MALRD1: variants seen among roughly 807,000 people sequenced by gnomAD.
MALRD1 encodes MAM and LDL-receptor class A domain-containing protein 1.
A neutral mutation model predicts 242.1 loss-of-function variants in MALRD1; 247 were observed. That is an observed-to-expected ratio of 1.02 (90% confidence interval 0.92 to 1.13). The LOEUF (loss-of-function observed/expected upper bound fraction) is 1.13. Ranked by LOEUF, MALRD1 falls within the 50% of genes most tolerant of loss-of-function variation. The pLI, the probability that MALRD1 is intolerant of heterozygous loss-of-function variation, is 0.00. For synonymous variants in MALRD1, 995 were observed against 866.6 expected (o/e 1.15, Z -2.60); for missense variants, 2,989 against 2,533.1 (o/e 1.18, Z -3.86).
At chr10:19,732,533 C>T (rs1589456196) in intron 39 of MALRD1, among the ~76,000 whole-genome samples, 1 of 152,130 alleles carries the variant, frequency 6.6e-6, no homozygotes, top group African/African-American at 2.4e-5. Context: ...AAAGTGCTGG[C>T]ATTACAGGCG....
At chr10:19,156,998 A>G (rs1834176519) in intron 12 of MALRD1, among the ~76,000 whole-genome samples, 1 of 152,104 alleles carries the variant, frequency 6.6e-6, no homozygotes, top group South Asian at 2.1e-4. Flanking sequence ...TTTTTGAAAA[A>G]CTGAGACTGT....
intron 27 of MALRD1, 59 bp downstream of exon 27, chr10:19,387,832 G>T: frequency 3.3e-6 from 5 of 1,505,248 alleles, no homozygotes; most frequent in Non-Finnish European, 4.4e-6. Flanking sequence ...ACATCAAAAT[G>T]TCTTTTCTGA....
chr10:19,231,245 T>G (rs1277693271), intron 18 of MALRD1, among the ~76,000 whole-genome samples: 1 of 152,202 alleles, frequency 6.6e-6, no homozygotes, highest in East Asian at 1.9e-4. Flanking sequence ...TGAGATTAGC[T>G]GAGGTATTTG....
intron 10 of MALRD1, among the ~76,000 whole-genome samples, chr10:19,145,450 C>A (rs753793189): frequency 6.6e-6 from 1 of 151,984 alleles, no homozygotes; most frequent in Non-Finnish European, 1.5e-5. Flanking sequence ...TCGAGACCAG[C>A]CTGGCCAACG....
rs1428066646 is a variant in MALRD1, at chr10:19,389,539, C to A, written c.4775C>A (p.Ala1592Glu). 2.6e-6 allele frequency: 4 copies of A among 1,550,702 alleles called. No individual in the cohort carries two copies. Among genetic ancestry groups the A allele is most frequent in the African/African-American group, 1.4e-5 (1 of 73,168 alleles). Residue 1592 changes from alanine (A) to glutamate (E), a missense_variant, in exon 28 of 40, where the codon GCA becomes GAA. Ala to Glu is a moderately radical substitution (Grantham distance 107). Transcript: ENST00000454679. ...FRSTMWRESS[A>E]ACTMSFWYFV... is the part of the protein sequence containing the mutation. The stretch of plus-strand genomic sequence containing the variant: ...AGTACCATGTGGCGAGAATCCAGTG[C>A]AGCCTGCACCATGAGCTTCTGGTAT...
intron 19 of MALRD1, among the ~76,000 whole-genome samples, chr10:19,278,205 A>G (rs1287041025): frequency 6.6e-6 from 1 of 151,998 alleles, no homozygotes; most frequent in Non-Finnish European, 1.5e-5. Flanking sequence ...TAAAAAAAAC[A>G]GTTTAATGTA....
intron 2 of MALRD1, among the ~76,000 whole-genome samples, chr10:19,072,162 T>C (rs1453039484): frequency 6.6e-6 from 1 of 152,192 alleles, no homozygotes; most frequent in East Asian, 1.9e-4. Flanking sequence ...AGATGTTGCT[T>C]GGGAGCATCT....
Position 19,717,974 on chromosome 10 carries a change from G to A in MALRD1, c.6315-12732G>A, listed in dbSNP as rs184725798. 1.8e-3 allele frequency among the ~76,000 whole-genome samples: 275 copies of A among 151,156 alleles called. 3 individuals carry two copies. The highest frequency in any genetic ancestry group is 6.5e-3 in the African/African-American group (266 of 41,012). Reference sequence around the variant, plus strand: ...GGAGGCTGCAGTGAGCCAATATTGCGCCACTGCACTCCAGAGAGATTCTAC... The same window carrying A: ...GGAGGCTGCAGTGAGCCAATATTGCACCACTGCACTCCAGAGAGATTCTAC... On this transcript the variant is annotated intron_variant, in intron 38 of 39. Coordinates refer to ENST00000454679, the MANE Select transcript of MALRD1 (RefSeq NM_001142308.3).
rs1276484708 is a variant in MALRD1 at position 19,331,431 on chromosome 10, C to T, written c.3750C>T (p.Ser1250=). Residue 1250 remains serine (S), a synonymous_variant, in exon 24 of 40, where the codon TCC becomes TCT. Transcript: ENST00000454679. ...YIGDVAVDDI[S]FQDCSPLLSP... ...GAGATGTAGCAGTGGATGATATTTC[C>T]TTCCAAGATTGCTCCCCTTTGCTTA... The T allele has an allele frequency of 6.4e-7, 1 of 1,550,388 alleles. No homozygotes were observed. The highest frequency in any genetic ancestry group is 8.7e-7 in the Non-Finnish European group (1 of 1,146,902).
chr10:19,695,970 C>T (rs577117786), intron 38 of MALRD1, among the ~76,000 whole-genome samples: 1 of 152,268 alleles, frequency 6.6e-6, no homozygotes, highest in South Asian at 2.1e-4. Flanking sequence ...TACCTTCCGC[C>T]AAGTCACTCC....
chr10:19,194,010 A>G (rs564825926), intron 14 of MALRD1, among the ~76,000 whole-genome samples: 116 of 152,180 alleles, frequency 7.6e-4, no homozygotes, highest in African/African-American at 2.5e-3. Context: ...GTTCATCTAC[A>G]TTACTATAGT....
chr10:19,342,142 A>C (rs1843912517), intron 24 of MALRD1, among the ~76,000 whole-genome samples: 1 of 152,136 alleles, frequency 6.6e-6, no homozygotes, highest in Non-Finnish European at 1.5e-5. Flanking sequence ...GTTCCATCTG[A>C]AACTTTTTAT....
chr10:19,189,976 A>C (rs1174579552), intron 14 of MALRD1, among the ~76,000 whole-genome samples: 1 of 152,138 alleles, frequency 6.6e-6, no homozygotes, highest in Non-Finnish European at 1.5e-5. Context: ...TTAATTTAAA[A>C]CATAACAAAA....
chr10:19,702,742 T>G (rs1415223864), intron 38 of MALRD1, among the ~76,000 whole-genome samples: 2 of 152,102 alleles, frequency 1.3e-5, no homozygotes, highest in African/African-American at 4.8e-5. Context: ...GATGGCTAAA[T>G]GAAATAACGT....
At chr10:19,263,156 C>T (rs1839828381) in intron 19 of MALRD1, among the ~76,000 whole-genome samples, 1 of 152,078 alleles carries the variant, frequency 6.6e-6, no homozygotes, top group South Asian at 2.1e-4. Flanking sequence ...GGATATACAC[C>T]CAGAACTGGG....
chr10:19,249,470 G>C (rs774964767), intron 18 of MALRD1, among the ~76,000 whole-genome samples: 10 of 151,806 alleles, frequency 6.6e-5, no homozygotes, highest in Non-Finnish European at 1.3e-4. Context: ...ATGGCACCAA[G>C]TGTAACACCA....
intron 31 of MALRD1, among the ~76,000 whole-genome samples, chr10:19,509,899 T>C (rs1833314925): frequency 1.3e-5 from 2 of 151,944 alleles, no homozygotes; most frequent in African/African-American, 4.8e-5. Context: ...AGACAAAGTA[T>C]AGAGAAAGAA....
intron 36 of MALRD1, among the ~76,000 whole-genome samples, chr10:19,689,844 G>GT (rs1842747756): frequency 6.6e-6 from 1 of 151,998 alleles, no homozygotes; most frequent in Non-Finnish European, 1.5e-5. Flanking sequence ...GGAGATTGCA[G>GT]TTTTTTCTTC....
chr10:19,099,672 G>T (rs939620644), intron 4 of MALRD1, among the ~76,000 whole-genome samples: 1 of 151,876 alleles, frequency 6.6e-6, no homozygotes, highest in African/African-American at 2.4e-5. Flanking sequence ...AGAAAACAAA[G>T]AATGTTAGAT....
Sources: gnomAD v4.1 joint callset for allele counts (sites outside exome capture counted in the v4.1 genomes callset) on GRCh38, gnomAD v4.1.1 for gene constraint, MANE v1.5 for transcripts, NCBI Gene and HGNC (gene_info 2026-07-23, HGNC 2026-07-21) for gene names.